The following PPEF1 variants were observed in gnomAD, a reference collection of about 807,000 sequenced individuals.
The protein encoded by PPEF1 is serine/threonine-protein phosphatase with EF-hands 1.
PPEF1 carries 12 observed loss-of-function variants against 53.3 expected under a neutral mutation model. The ratio of observed to expected loss-of-function variants is 0.23; its 90% CI spans 0.14 to 0.36. The LOEUF (loss-of-function observed/expected upper bound fraction) is 0.36. PPEF1 is among the 10% of genes least tolerant of loss of function. PPEF1 has a pLI of 1.00. For synonymous variants in PPEF1, 165 were observed against 176.7 expected (o/e 0.93, Z 0.52); for missense variants, 334 against 490.4 (o/e 0.68, Z 3.01).
At chrX:18,824,175 C>T in intron 14 of PPEF1, 89 bp downstream of exon 14, 2 of 956,683 alleles carry the variant, frequency 2.1e-6, no homozygotes, top group Non-Finnish European at 2.8e-6. Flanking sequence ...GGCACAGTGG[C>T]TCACGCCTGT....
At chrX:18,774,462 G>T (rs1028449470) in intron 6 of PPEF1, among the ~76,000 whole-genome samples, 9 of 112,196 alleles carry the variant, frequency 8.0e-5, no homozygotes, top group Non-Finnish European at 9.4e-5. Flanking sequence ...GGGGCATGTG[G>T]ATGCTATCTT....
At chrX:18,730,342 A>C (rs2044807783) in intron 2 of PPEF1, 34 bp downstream of exon 2, 2 of 1,190,121 alleles carry the variant, frequency 1.7e-6, no homozygotes, top group South Asian at 1.8e-5. Flanking sequence ...TCTTTTGATA[A>C]AATGATTCTC....
chrX:18,777,214 ATTTG>A (rs1346773289), intron 6 of PPEF1, among the ~76,000 whole-genome samples: 1 of 112,060 alleles, frequency 8.9e-6, no homozygotes, highest in Non-Finnish European at 1.9e-5. Flanking sequence ...TTGCTTGTTT[ATTTG>A]TTTGTTTGAA....
intron 6 of PPEF1, among the ~76,000 whole-genome samples, chrX:18,778,148 G>T (rs930592719): frequency 3.6e-5 from 4 of 111,514 alleles, no homozygotes; most frequent in African/African-American, 1.3e-4. Context: ...TTATTATGCA[G>T]TAGAAGCCAT....
chrX:18,813,064 T>C (rs112679599), intron 12 of PPEF1, among the ~76,000 whole-genome samples: 1,433 of 111,673 alleles, frequency 0.013, 28 homozygotes, highest in African/African-American at 0.044. Context: ...TATTTTTAGA[T>C]TCTTGATTTC....
At chrX:18,783,871 C>T in intron 8 of PPEF1, 28 bp from the exon 9 acceptor site, 11 of 1,192,769 alleles carry the variant, frequency 9.2e-6, no homozygotes, top group Non-Finnish European at 1.2e-5. Context: ...GTCAGAAAAA[C>T]AAAACTTACT....
intron 1 of PPEF1, among the ~76,000 whole-genome samples, chrX:18,724,895 G>C (rs2044672029): frequency 9.0e-6 from 1 of 110,990 alleles, no homozygotes; most frequent in Non-Finnish European, 1.9e-5. Context: ...GTGCTGTCCT[G>C]TGGTGGATGG....
intron 6 of PPEF1, among the ~76,000 whole-genome samples, chrX:18,768,548 T>C (rs1324525867): frequency 1.8e-5 from 2 of 112,612 alleles, no homozygotes; most frequent in Non-Finnish European, 3.8e-5. Flanking sequence ...TCTATCATTA[T>C]AACTCACCAT....
intron 4 of PPEF1, among the ~76,000 whole-genome samples, chrX:18,753,305 C>T (rs913995832): frequency 7.2e-5 from 8 of 111,765 alleles, no homozygotes; most frequent in Non-Finnish European, 1.1e-4. Context: ...AGTATTCTCT[C>T]ATAACCCTTT....
At position 18,748,038 on chromosome X, in the gene PPEF1, C is replaced by T. The variant is rs186037813; in HGVS notation, c.236-1754C>T. Among the ~76,000 whole-genome samples the T allele has an allele frequency of 1.7e-3, 191 of 112,044 alleles. 1 individual carries two copies. The highest frequency in any genetic ancestry group is 6.1e-3 in the African/African-American group (188 of 30,919). ...AAGACAGTGAAGTATTTAGGCTTTACTGCCTACGTAATGAATCTGAGATAA... is the reference window on the plus strand; with the variant it reads ...AAGACAGTGAAGTATTTAGGCTTTATTGCCTACGTAATGAATCTGAGATAA... On this transcript the variant is annotated intron_variant, in intron 3 of 15. Transcript: ENST00000470157.
At chrX:18,717,429 A>G (rs913469787) in intron 1 of PPEF1, among the ~76,000 whole-genome samples, 1 of 109,068 alleles carries the variant, frequency 9.2e-6, no homozygotes, top group Non-Finnish European at 1.9e-5. Context: ...TTCCCTTTAA[A>G]ATAAGTCTTC....
intron 1 of PPEF1, among the ~76,000 whole-genome samples, chrX:18,684,139 A>G (rs1051684177): frequency 1.8e-5 from 2 of 111,944 alleles, no homozygotes; most frequent in Non-Finnish European, 3.8e-5. Flanking sequence ...TCATTATCAC[A>G]TGCCTGCAAT....
chrX:18,706,219 A>G (rs1385354434), upstream of PPEF1, among the ~76,000 whole-genome samples: 1 of 32,683 alleles, frequency 3.1e-5, no homozygotes, highest in Non-Finnish European at 7.7e-5. Flanking sequence ...CCCTGTCTGA[A>G]AAAAAAAAAA....
intron 1 of PPEF1, among the ~76,000 whole-genome samples, chrX:18,676,341 G>T (rs934364734): frequency 1.8e-5 from 2 of 110,833 alleles, no homozygotes; most frequent in African/African-American, 6.6e-5. Flanking sequence ...TATCTGCCAT[G>T]TAATCCCCCC....
intron 3 of PPEF1, among the ~76,000 whole-genome samples, chrX:18,739,461 A>T (rs1219804581): frequency 8.9e-6 from 1 of 112,133 alleles, no homozygotes; most frequent in East Asian, 2.8e-4. Context: ...ATATTGCAGA[A>T]CGGCAAATGT....
chrX:18,826,670 C>A (rs1441462389), intron 15 of PPEF1, among the ~76,000 whole-genome samples: 2 of 109,924 alleles, frequency 1.8e-5, no homozygotes, highest in Admixed American at 9.8e-5. Context: ...AGATGACCTG[C>A]CCACCTCAGC....
chrX:18,761,017 A>G (rs969712359), intron 5 of PPEF1, among the ~76,000 whole-genome samples: 6 of 110,014 alleles, frequency 5.5e-5, no homozygotes, highest in African/African-American at 1.6e-4. Flanking sequence ...CTGGGCCCAA[A>G]TGATCCATCT....
intron 12 of PPEF1, among the ~76,000 whole-genome samples, chrX:18,810,673 T>C (rs1448699268): frequency 8.9e-6 from 1 of 112,383 alleles, no homozygotes; most frequent in East Asian, 2.8e-4. Flanking sequence ...CACAATGTTT[T>C]TGAGGTCATT....
At chrX:18,743,233 A>G (rs1052607495) in intron 3 of PPEF1, among the ~76,000 whole-genome samples, 13 of 111,278 alleles carry the variant, frequency 1.2e-4, no homozygotes, top group African/African-American at 3.9e-4. Flanking sequence ...CAGCTTTATT[A>G]GATACTGGCA....
Sources: allele counts gnomAD v4.1 joint callset (sites outside exome capture counted in the v4.1 genomes callset), GRCh38; gene constraint gnomAD v4.1.1; transcripts MANE v1.5; gene names NCBI Gene and HGNC (gene_info 2026-07-23, HGNC 2026-07-21).